The following COL4A2 variants were observed in gnomAD, a reference collection of about 807,000 sequenced individuals.
The protein encoded by COL4A2 is collagen alpha-2(IV) chain.
A neutral mutation model predicts 200.2 loss-of-function variants in COL4A2; 99 were observed. The ratio of observed to expected loss-of-function variants is 0.49; its 90% CI spans 0.42 to 0.58. The LOEUF is 0.58. Ranked by LOEUF, COL4A2 falls within the 20% of genes least tolerant of loss-of-function variation. The probability of loss-of-function intolerance (pLI) is 0.00; values close to 1 mark genes in which losing one functional copy is unlikely to be tolerated. For synonymous variants in COL4A2, 897 were observed against 900.6 expected, an observed-to-expected ratio of 1.00 and a Z score of 0.07; for missense variants, 1,950 against 2,314.1, an observed-to-expected ratio of 0.84 and a Z score of 3.23.
chr13:110,391,246 A>G (rs1306590971), intron 4 of COL4A2, among the ~76,000 whole-genome samples: 2 of 152,326 alleles, frequency 1.3e-5, no homozygotes, highest in East Asian at 3.9e-4. Context: ...AAAATATTAA[A>G]TAGTTGCAGT....
Position 110,473,259 on chromosome 13 carries a change from A to G in COL4A2, c.2425+109A>G, listed in dbSNP as rs11617206. ...TTGGTAGGAAGCAGCGGTGCCCTAT[A>G]GTGCTAGCCATGCGTACCTTCTCCC... is the stretch of plus-strand genomic sequence containing the variant. On this transcript the variant is annotated intron_variant, in intron 29 of 47. Transcript: ENST00000360467. 499,377 of 1,008,436 alleles carry G rather than the reference A, an allele frequency of 0.5. 124,147 individuals are homozygous for G. Among genetic ancestry groups the G allele is most frequent in the Middle Eastern group, 0.56 (1,755 of 3,122 alleles). The allele number at this position is 1,008,436 out of a possible 1,614,324, so 62.5% of individuals were successfully genotyped here.
intron 3 of COL4A2, among the ~76,000 whole-genome samples, chr13:110,318,028 CAGG>C (rs1368063508): frequency 2.6e-5 from 4 of 152,166 alleles, no homozygotes; most frequent in South Asian, 2.1e-4. Context: ...CATGCGCCAA[CAGG>C]AGGATAGGTG....
At chr13:110,493,408 T>A (rs919969793) in intron 39 of COL4A2, 126 bp downstream of exon 39, 1 of 972,608 alleles carries the variant, frequency 1.0e-6, no homozygotes, top group East Asian at 2.6e-5. Context: ...CTTCCTGAAG[T>A]GCTATGCGAT....
intron 11 of COL4A2, among the ~76,000 whole-genome samples, chr13:110,433,445 G>T (rs2139461636): frequency 6.6e-6 from 1 of 152,332 alleles, no homozygotes; most frequent in South Asian, 2.1e-4. Flanking sequence ...AGGCAGAGAG[G>T]GACTGTGGGG....
chr13:110,355,843 G>C (rs146690666), intron 3 of COL4A2, among the ~76,000 whole-genome samples: 1 of 9,728 alleles, frequency 1.0e-4, no homozygotes, highest in African/African-American at 5.7e-4. Context: ...CTGTGTGTGG[G>C]GGGGAGGGCT....
intron 36 of COL4A2, among the ~76,000 whole-genome samples, chr13:110,490,484 C>G (rs1883252625): frequency 6.6e-6 from 1 of 152,164 alleles, no homozygotes. Flanking sequence ...TGGGCCAGTT[C>G]TTTATCTAGA....
chr13:110,469,429 T>A, intron 28 of COL4A2, 105 bp downstream of exon 28: 1 of 1,200,950 alleles, frequency 8.3e-7, no homozygotes, highest in Non-Finnish European at 1.2e-6. Flanking sequence ...AGAAGCTGTT[T>A]TAACAAATAC....
intron 3 of COL4A2, among the ~76,000 whole-genome samples, chr13:110,317,742 A>T (rs1229279837): frequency 1.3e-5 from 2 of 152,220 alleles, no homozygotes; most frequent in African/African-American, 4.8e-5. Flanking sequence ...CCACTGGGGT[A>T]AATGCTGCTG....
chr13:110,468,507 G>T (rs941238566), intron 27 of COL4A2, among the ~76,000 whole-genome samples: 1 of 152,142 alleles, frequency 6.6e-6, no homozygotes, highest in African/African-American at 2.4e-5. Context: ...GGTTTCTGAG[G>T]CTCCGGGGCT....
intron 3 of COL4A2, among the ~76,000 whole-genome samples, chr13:110,320,925 A>C (rs1885258099): frequency 6.6e-6 from 1 of 152,168 alleles, no homozygotes; most frequent in Non-Finnish European, 1.5e-5. Context: ...AAGAATAAAC[A>C]TAGAAAAAAG....
intron 28 of COL4A2, among the ~76,000 whole-genome samples, chr13:110,470,434 G>A (rs947454006): frequency 2.0e-5 from 3 of 152,080 alleles, no homozygotes; most frequent in Non-Finnish European, 2.9e-5. Flanking sequence ...AGTTCTCACC[G>A]GGCTGTTCCT....
At chr13:110,457,628 A>T in intron 21 of COL4A2, 193 bp downstream of exon 21, 1 of 683,530 alleles carries the variant, frequency 1.5e-6, no homozygotes, top group Admixed American at 2.0e-5. Context: ...CTGTCTGAGC[A>T]CTCGGCCCCC....
chr13:110,469,853 A>G (rs1452942079), intron 28 of COL4A2, among the ~76,000 whole-genome samples: 1 of 149,670 alleles, frequency 6.7e-6, no homozygotes, highest in African/African-American at 2.5e-5. Flanking sequence ...GTTGTGCCAC[A>G]GGCGATGTGC....
intron 4 of COL4A2, among the ~76,000 whole-genome samples, chr13:110,369,211 G>GTAAA (rs71127935): frequency 0.38 from 57,844 of 150,292 alleles, 11,292 homozygotes; most frequent in South Asian, 0.55. Context: ...CTCTGTCTCA[G>GTAAA]TAAATAAATA....
chr13:110,361,828 T>G (rs1877526056), intron 4 of COL4A2, among the ~76,000 whole-genome samples: 1 of 152,148 alleles, frequency 6.6e-6, no homozygotes, highest in Non-Finnish European at 1.5e-5. Flanking sequence ...ACCGGCTGCT[T>G]GGCACTGCCC....
intron 47 of COL4A2, among the ~76,000 whole-genome samples, chr13:110,509,044 A>G (rs188511127): frequency 6.6e-6 from 1 of 152,190 alleles, no homozygotes; most frequent in South Asian, 2.1e-4. Context: ...AATTGAATAC[A>G]TATTGCTTTT....
At chr13:110,428,379 A>ATG in intron 6 of COL4A2, 88 bp from the exon 7 acceptor site, 1 of 760,554 alleles carries the variant, frequency 1.3e-6, no homozygotes, top group East Asian at 2.9e-5. Flanking sequence ...AACATGGCTT[A>ATG]TGAGAATATA....
At chr13:110,328,725 T>C (rs1241689560) in intron 3 of COL4A2, among the ~76,000 whole-genome samples, 1 of 152,196 alleles carries the variant, frequency 6.6e-6, no homozygotes, top group African/African-American at 2.4e-5. Flanking sequence ...GACAGAGAGA[T>C]GACGCCCAGA....
At chr13:110,413,746 C>T (rs1879938334) in intron 4 of COL4A2, among the ~76,000 whole-genome samples, 1 of 152,178 alleles carries the variant, frequency 6.6e-6, no homozygotes, top group South Asian at 2.1e-4. Flanking sequence ...CTCTCAGAGG[C>T]CCCCTTACCT....
Sources: gnomAD v4.1 joint callset for allele counts (sites outside exome capture counted in the v4.1 genomes callset) on GRCh38, gnomAD v4.1.1 for gene constraint, MANE v1.5 for transcripts, NCBI Gene and HGNC (gene_info 2026-07-23, HGNC 2026-07-21) for gene names.